Variants in LTBR observed in about 807,000 individuals in gnomAD.
LTBR encodes the protein tumor necrosis factor receptor superfamily member 3.
LTBR carries 15 observed loss-of-function variants against 45.4 expected under a neutral mutation model. The observed-to-expected ratio is 0.33, with a 90% CI of 0.22 to 0.51. The LOEUF is 0.51. Among genes scored for constraint, LTBR ranks in the 20% least tolerant of loss-of-function variants. LTBR has a pLI of 0.97. For missense variants in LTBR, 450 were observed against 565.5 expected, an observed-to-expected ratio of 0.80 and a Z score of 2.07; for synonymous variants, 228 against 231.0, an observed-to-expected ratio of 0.99 and a Z score of 0.12.
Position 6,391,273 on chromosome 12 carries a change from A to C in LTBR, c.*336A>C. On this transcript the variant is annotated 3_prime_UTR_variant, in exon 10 of 10. Transcript: ENST00000228918. ...AGCACGGCACCGAGGGAGCCGCCAC[A>C]CGGTCACCTGCAAGGACGTCACGGG... is the stretch of plus-strand genomic sequence containing the variant. 4.6e-6 allele frequency: 1 copy of C among 219,634 alleles called. No individual in the cohort carries two copies. The highest frequency in any genetic ancestry group is 2.3e-5 in the African/African-American group (1 of 44,248). The allele number at this position is 219,634 out of a possible 1,614,324, so 13.6% of individuals were successfully genotyped here. A position where few individuals can be genotyped will look rare whatever the true frequency, so the allele number is the denominator to read the frequency against.
upstream of LTBR, chr12:6,383,940 C>G: frequency 3.2e-6 from 3 of 926,416 alleles, no homozygotes; most frequent in Non-Finnish European, 4.0e-6. Context: ...CGCCGCCCTT[C>G]CCTCGGCTGG....
chr12:6,390,485 G>A lies in LTBR; in HGVS notation c.1030+145G>A. ...CAGTCAGTGTCACAACTAGAGAAGA[G>A]GGAAGAGACTGGAAAACCCAGAAGC... is the stretch of plus-strand genomic sequence containing the variant. On this transcript the variant is annotated intron_variant, in intron 9 of 9. Coordinates refer to ENST00000228918, the MANE Select transcript of LTBR (RefSeq NM_002342.3). 5 of 993,868 alleles carry A rather than the reference G, an allele frequency of 5.0e-6. No individual in the cohort carries two copies. In the South Asian group the frequency reaches 8.0e-5, roughly 16 times the overall value. The allele number at this position is 993,868 out of a possible 1,614,324, so 61.6% of individuals were successfully genotyped here.
rs1949075517 is a variant in LTBR at position 6,388,572 on chromosome 12, C to T, written c.775+67C>T. 1 of 1,361,916 alleles carries T rather than the reference C, an allele frequency of 7.3e-7. No individual in the cohort carries two copies. The highest frequency in any genetic ancestry group is 1.4e-5 in the African/African-American group (1 of 70,042). 84.4% of individuals were successfully genotyped at this position (1,361,916 alleles called of 1,614,324 possible). ...CCGGAGGGAGGAATATTCAACTTCCCCGGTGCAACCCTCCACACCCTCAAG... is the reference window on the plus strand; with the variant it reads ...CCGGAGGGAGGAATATTCAACTTCCTCGGTGCAACCCTCCACACCCTCAAG... On this transcript the variant is annotated intron_variant, in intron 7 of 9. Coordinates refer to ENST00000228918, the MANE Select transcript of LTBR (RefSeq NM_002342.3). This position sits in a 1 kb window ranked among gnomAD's most constrained non-coding sequence, Gnocchi z 4.3.
rs532903714 is a variant in LTBR, at chr12:6,388,955, C to T, written c.801+130C>T. ...TTCATTCAACTGATGATTTACTGAA[C>T]ATGCCACGTACCAGGCACTGTCCTA... On this transcript the variant is annotated intron_variant, in intron 8 of 9. Transcript: ENST00000228918. The surrounding 1 kb of genome is among the most constrained non-coding windows in gnomAD (Gnocchi z 4.3). 6.9e-6 allele frequency: 8 copies of T among 1,159,258 alleles called. No individual in the cohort carries two copies. In the South Asian group the frequency reaches 9.5e-5, roughly 14 times the overall value. 71.8% of individuals were successfully genotyped at this position (1,159,258 alleles called of 1,614,324 possible).
intron 1 of LTBR, chr12:6,376,013 A>G (rs1482831275): frequency 5.0e-6 from 5 of 1,000,216 alleles, no homozygotes; most frequent in Non-Finnish European, 6.0e-6. Context: ...CACCAAAGGG[A>G]GTCTGTCTCC....
chr12:6,379,933 C>CAAA (rs60566609), upstream of LTBR, among the ~76,000 whole-genome samples: 3 of 115,992 alleles, frequency 2.6e-5, no homozygotes, highest in South Asian at 2.6e-4. Flanking sequence ...GACTCTGTCT[C>CAAA]AAAAAAAAAA....
At position 6,386,604 on chromosome 12, in the gene LTBR, TACACACAC is replaced by T. The variant is rs3075360; in HGVS notation, c.667+185_667+192del. The T allele has an allele frequency of 4.5e-4, 246 of 546,554 alleles. 1 individual carries two copies. The highest frequency in any genetic ancestry group is 2.1e-3 in the African/African-American group (107 of 50,970). 33.9% of individuals were successfully genotyped at this position (546,554 alleles called of 1,614,324 possible). ...AAATTGGAGTATCTCTAGGCTAGTT[TACACACAC>T]ACACACACACACACACACACACACT... On this transcript the variant is annotated intron_variant, in intron 6 of 9. Coordinates refer to ENST00000228918, the MANE Select transcript of LTBR (RefSeq NM_002342.3). This position sits in a 1 kb window ranked among gnomAD's most constrained non-coding sequence, Gnocchi z 4.1.
At position 6,385,248 on chromosome 12, in the gene LTBR, C is replaced by T. The variant is rs1208098111; in HGVS notation, c.341C>T (p.Ala114Val). The T allele has an allele frequency of 6.2e-7, 1 of 1,614,036 alleles. No individual in the cohort carries two copies. Among genetic ancestry groups the T allele is most frequent in the Admixed American group, 1.7e-5 (1 of 60,020 alleles). ...CCAGTGATGGGCCTCGAGGAGATTG[C>T]CCCCTGCACAAGCAAACGGAAGACC... Reference protein sequence around the residue: ...CDPVMGLEEIAPCTSKRKTQC... With the variant: ...CDPVMGLEEIVPCTSKRKTQC... Residue 114 changes from alanine to valine, a missense_variant, in exon 4 of 10, where the codon GCC becomes GTC. Coordinates refer to ENST00000228918, the MANE Select transcript of LTBR (RefSeq NM_002342.3).
chr12:6,382,894 G>A (rs116608069), upstream of LTBR, among the ~76,000 whole-genome samples: 428 of 152,320 alleles, frequency 2.8e-3, 3 homozygotes, highest in African/African-American at 9.5e-3. Flanking sequence ...GAGTTGGCAG[G>A]ACTGCTGGAA....
intron 1 of LTBR, among the ~76,000 whole-genome samples, chr12:6,376,765 C>G (rs1036300604): frequency 1.3e-5 from 2 of 152,116 alleles, no homozygotes; most frequent in African/African-American, 2.4e-5. Flanking sequence ...GGGAAGGCTG[C>G]CGCTTCCTCA....
At chr12:6,377,818 A>G (rs1241567176) in intron 1 of LTBR, 3 of 470,492 alleles carry the variant, frequency 6.4e-6, no homozygotes, top group Non-Finnish European at 1.2e-5. Context: ...TAGTTTTCAT[A>G]TCAAGGGCTC....
intron 1 of LTBR, chr12:6,377,328 C>T (rs1371270578): frequency 4.9e-6 from 7 of 1,417,976 alleles, no homozygotes; most frequent in Non-Finnish European, 6.8e-6. Context: ...AGAAACTGAC[C>T]CTTCCCAAGG....
chr12:6,375,891 A>T, intron 1 of LTBR: 1 of 1,242,242 alleles, frequency 8.0e-7, no homozygotes. Context: ...GGGCAGAAAG[A>T]GGGAGACAAT....
At chr12:6,375,341 T>C, upstream of LTBR, 1 of 1,443,452 alleles carries the variant, frequency 6.9e-7, no homozygotes, top group Non-Finnish European at 9.1e-7. Flanking sequence ...AGCTCCAGCC[T>C]CTGGCCCTGA....
rs778222187 is a variant in LTBR, at chr12:6,385,213, C to T, written c.320-14C>T. On this transcript the variant is annotated splice_polypyrimidine_tract_variant and intron_variant, in intron 3 of 9. Transcript: ENST00000228918. ...AGCTTGGCCCCTCCCTGAGCCCTCCCGTCTCCCCGCCAGTGATGGGCCTCG... is the reference window on the plus strand; with the variant it reads ...AGCTTGGCCCCTCCCTGAGCCCTCCTGTCTCCCCGCCAGTGATGGGCCTCG... 1 of 1,614,114 alleles carries T rather than the reference C, an allele frequency of 6.2e-7. No individual in the cohort carries two copies. Among genetic ancestry groups the T allele is most frequent in the East Asian group, 2.2e-5 (1 of 44,876 alleles).
At chr12:6,389,336 G>A (rs1452481939) in intron 8 of LTBR, 2 of 158,012 alleles carry the variant, frequency 1.3e-5, no homozygotes, top group African/African-American at 4.8e-5. Context: ...CATGCGGTGG[G>A]GTGTGGGAAC....
At chr12:6,377,922 G>A (rs1948936183) in intron 1 of LTBR, among the ~76,000 whole-genome samples, 1 of 152,250 alleles carries the variant, frequency 6.6e-6, no homozygotes, top group Non-Finnish European at 1.5e-5. Context: ...TGCGAGCCTA[G>A]TGCTGCAGCA....
In LTBR at chr12:6,386,692, T is replaced by C. The variant is rs1949054193; in HGVS notation, c.667+248T>C. The C allele has an allele frequency of 4.2e-6, 2 of 478,232 alleles. No individual in the cohort carries two copies. The highest frequency in any genetic ancestry group is 6.9e-5 in the East Asian group (2 of 28,928). The allele number at this position is 478,232 out of a possible 1,614,324, so 29.6% of individuals were successfully genotyped here. A position where few individuals can be genotyped will look rare whatever the true frequency, so the allele number is the denominator to read the frequency against. On this transcript the variant is annotated intron_variant, in intron 6 of 9. Transcript: ENST00000228918. This position sits in a 1 kb window ranked among gnomAD's most constrained non-coding sequence, Gnocchi z 4.1. Reference sequence around the variant, plus strand: ...TCAAGGAACACATCCCACACTGAGATGTAATGATAACTACTATTGTCATCA... The same window carrying C: ...TCAAGGAACACATCCCACACTGAGACGTAATGATAACTACTATTGTCATCA...
chr12:6,388,202 A>G lies in LTBR; in HGVS notation c.668-196A>G. The G allele has an allele frequency of 3.6e-6, 2 of 561,966 alleles. No homozygotes were observed. Among genetic ancestry groups the G allele is most frequent in the East Asian group, 6.1e-5 (2 of 32,704 alleles). 34.8% of individuals were successfully genotyped at this position (561,966 alleles called of 1,614,324 possible). On this transcript the variant is annotated intron_variant, in intron 6 of 9. Coordinates refer to ENST00000228918, the MANE Select transcript of LTBR (RefSeq NM_002342.3). The surrounding 1 kb of genome is among the most constrained non-coding windows in gnomAD (Gnocchi z 4.3). ...GGCTGCCAAGAGGTCCTCAAGTCCA[A>G]CTTAGTTCCCCTTCTCTATAACCCA...
Sources: gnomAD v4.1 joint callset for allele counts (sites outside exome capture counted in the v4.1 genomes callset) on GRCh38, gnomAD v4.1.1 for gene constraint, Gnocchi (gnomAD v3.1) non-coding constraint, MANE v1.5 for transcripts, NCBI Gene and HGNC (gene_info 2026-07-23, HGNC 2026-07-21) for gene names.